SYNJ1: variants seen among roughly 807,000 people sequenced by gnomAD.
SYNJ1 encodes synaptojanin 1, also known as polyphosphatidylinositol phosphatase SYNJ1.
In SYNJ1, 78 loss-of-function variants were observed where a neutral mutation model predicts 168.2. The observed-to-expected ratio is 0.46, with a 90% CI of 0.39 to 0.56. The LOEUF is 0.56. SYNJ1 is among the 20% of genes least tolerant of loss of function. SYNJ1 has a pLI of 0.00. For synonymous variants in SYNJ1, 539 were observed against 548.6 expected (o/e 0.98, Z 0.24); for missense variants, 1,303 against 1,597.6 (o/e 0.82, Z 3.14).
At position 32,646,480 on chromosome 21, in the gene SYNJ1, G is replaced by A. The variant is rs2040074722; in HGVS notation, c.3160C>T (p.Pro1054Ser). Residue 1054 changes from proline to serine, a missense_variant, in exon 24 of 33, where the codon CCT becomes TCT. Around this residue, in one of 2 missense-constraint regions of SYNJ1, gnomAD observed 383 missense variants for 388.8 expected, o/e 0.99. Transcript: ENST00000674351. ...SSPRTSPCQS[P>S]TISEGPVPSL... is the part of the protein sequence containing the mutation. ...GGTACAGGACCCTCTGATATTGTAG[G>A]TGACTGGCAGGGACTAGTTCGGGGT... 1 of 1,614,076 alleles carries A rather than the reference G, an allele frequency of 6.2e-7. No homozygotes were observed. The highest frequency in any genetic ancestry group is 1.3e-5 in the African/African-American group (1 of 74,926).
chr21:32,725,990 C>T (rs772954011), intron 2 of SYNJ1, among the ~76,000 whole-genome samples: 7 of 152,108 alleles, frequency 4.6e-5, no homozygotes, highest in Non-Finnish European at 7.4e-5. Context: ...AAAGGGCACA[C>T]GACGGAGCCG....
chr21:32,664,885 G>C (rs1205690102), intron 18 of SYNJ1, 28 bp downstream of exon 18: 1 of 1,516,362 alleles, frequency 6.6e-7, no homozygotes, highest in Non-Finnish European at 8.9e-7. Context: ...AAATCTTAAT[G>C]CAAGTATTTT....
intron 18 of SYNJ1, among the ~76,000 whole-genome samples, chr21:32,662,909 C>T (rs942454192): frequency 1.3e-5 from 2 of 152,112 alleles, no homozygotes; most frequent in Middle Eastern, 3.2e-3. Context: ...GAGCGTGTGA[C>T]CTTAGGAATC....
At chr21:32,658,454 A>G (rs1181808433) in intron 18 of SYNJ1, 1 of 152,296 alleles carries the variant, frequency 6.6e-6, no homozygotes, top group Non-Finnish European at 1.5e-5. Flanking sequence ...ATCGGCAATA[A>G]AATACCCCAT....
chr21:32,686,804 T>C (rs186197051), intron 8 of SYNJ1, among the ~76,000 whole-genome samples, 174 bp downstream of exon 8: 1 of 152,340 alleles, frequency 6.6e-6, no homozygotes, highest in Admixed American at 6.5e-5. Flanking sequence ...TCAGCAACAT[T>C]AGCCTAAATT....
intron 2 of SYNJ1, among the ~76,000 whole-genome samples, chr21:32,719,638 C>T (rs1200519577): frequency 6.6e-6 from 1 of 151,276 alleles, no homozygotes; most frequent in Non-Finnish European, 1.5e-5. Context: ...TGCTTGAACC[C>T]GTAGGCAGAG....
At chr21:32,642,030 A>G in intron 28 of SYNJ1, 64 bp from the exon 29 acceptor site, 1 of 1,613,126 alleles carries the variant, frequency 6.2e-7, no homozygotes. Context: ...CCATGTACTT[A>G]TATTCCAAGT....
In SYNJ1 at chr21:32,664,994, T is replaced by C. The variant is rs2040867289; in HGVS notation, c.2223A>G (p.Glu741=). 3 of 1,613,790 alleles carry C rather than the reference T, an allele frequency of 1.9e-6. No individual in the cohort carries two copies. The highest frequency in any genetic ancestry group is 1.3e-5 in the African/African-American group (1 of 74,928). ...FNYRIDLPNE[E]VKELIRQQNW... Reference sequence around the variant, plus strand: ...TTTGCTGTCTTATGAGCTCTTTAACTTCTTCGTTAGGGAGATCGATTCGAT... The same window carrying C: ...TTTGCTGTCTTATGAGCTCTTTAACCTCTTCGTTAGGGAGATCGATTCGAT... Residue 741 remains glutamate (E), a synonymous_variant, in exon 18 of 33, where the codon GAA becomes GAG. Transcript: ENST00000674351.
chr21:32,696,686 A>G (rs2042224560), intron 4 of SYNJ1, among the ~76,000 whole-genome samples: 1 of 152,142 alleles, frequency 6.6e-6, no homozygotes, highest in East Asian at 1.9e-4. Flanking sequence ...TAAAAGATGT[A>G]ATAGCATTAT....
intron 15 of SYNJ1, among the ~76,000 whole-genome samples, chr21:32,669,125 G>A (rs2041076988): frequency 6.6e-6 from 1 of 152,108 alleles, no homozygotes; most frequent in African/African-American, 2.4e-5. Context: ...CAAAGCACTT[G>A]TGTTGCATAC....
intron 21 of SYNJ1, 108 bp from the exon 22 acceptor site, chr21:32,653,474 G>C (rs2040348894): frequency 6.9e-6 from 6 of 871,220 alleles, no homozygotes; most frequent in Non-Finnish European, 1.1e-5. Context: ...AGGCCAGGAA[G>C]TAAAAAGTAA....
Position 32,629,858 on chromosome 21 carries a change from G to C in SYNJ1, c.*1947C>G, listed in dbSNP as rs2039255489. The C allele has an allele frequency of 6.6e-6, 1 of 152,546 alleles. No homozygotes were observed. Among genetic ancestry groups the C allele is most frequent in the Admixed American group, 6.5e-5 (1 of 15,282 alleles). The allele number at this position is 152,546 out of a possible 1,614,324, so 9.4% of individuals were successfully genotyped here. A position where few individuals can be genotyped will look rare whatever the true frequency, so the allele number is the denominator to read the frequency against. ...GAGACAAAATCCGCAGCTACTTTGA[G>C]GTATAGCCTCTAAAAACTTAAAGCA... On this transcript the variant is annotated 3_prime_UTR_variant, in exon 33 of 33. Coordinates refer to ENST00000674351, the MANE Select transcript of SYNJ1 (RefSeq NM_203446.3).
Position 32,684,254 on chromosome 21 carries a change from A to G in SYNJ1, c.1119-135T>C, listed in dbSNP as rs191390101. On this transcript the variant is annotated intron_variant, in intron 9 of 32. Coordinates refer to ENST00000674351, the MANE Select transcript of SYNJ1 (RefSeq NM_203446.3). Reference sequence around the variant, plus strand: ...TTATTATTACAGTATTCAAATATACAAAAAAAATTATACTGTGAACATCCA... The same window carrying G: ...TTATTATTACAGTATTCAAATATACGAAAAAAATTATACTGTGAACATCCA... The G allele has an allele frequency of 3.0e-3, 2,054 of 694,780 alleles. 6 individuals are homozygous for G. Among genetic ancestry groups the G allele is most frequent in the Non-Finnish European group, 3.6e-3 (1,506 of 421,988 alleles). 43.0% of individuals were successfully genotyped at this position (694,780 alleles called of 1,614,324 possible).
rs1254717216 is a variant in SYNJ1 at position 32,642,143 on chromosome 21, A to G, written c.3479-10T>C. 6.2e-7 allele frequency: 1 copy of G among 1,613,736 alleles called. No homozygotes were observed. Among genetic ancestry groups the G allele is most frequent in the East Asian group, 2.2e-5 (1 of 44,866 alleles). Reference sequence around the variant, plus strand: ...CCAGGGCTTTTGGGTGCTTTGAAGCAAGAAGGGAAAAAAAAATTAGTTGTA... The same window carrying G: ...CCAGGGCTTTTGGGTGCTTTGAAGCGAGAAGGGAAAAAAAAATTAGTTGTA... On this transcript the variant is annotated splice_polypyrimidine_tract_variant and intron_variant, in intron 27 of 32. Transcript: ENST00000674351.
At chr21:32,724,263 G>A (rs555184026) in intron 2 of SYNJ1, among the ~76,000 whole-genome samples, 1 of 152,282 alleles carries the variant, frequency 6.6e-6, no homozygotes, top group East Asian at 1.9e-4. Context: ...TGAGGCAGGC[G>A]AATCACCTGA....
intron 22 of SYNJ1, among the ~76,000 whole-genome samples, chr21:32,651,071 C>G (rs544858925): frequency 7.2e-5 from 11 of 152,198 alleles, no homozygotes; most frequent in Non-Finnish European, 1.5e-4. Context: ...AAAATACTCT[C>G]AAAAAAACTT....
intron 15 of SYNJ1, among the ~76,000 whole-genome samples, chr21:32,669,992 T>C (rs112860554): frequency 2.0e-4 from 31 of 152,348 alleles, no homozygotes; most frequent in African/African-American, 7.5e-4. Context: ...TAAGTTAGCA[T>C]GTAATAGGTT....
chr21:32,639,040 T>C lies in SYNJ1; in HGVS notation c.3783A>G (p.Gln1261=), dbSNP rs1601231568. Reference sequence around the variant, plus strand: ...GTGCTGCCACAGGGACAAGAGGCTCTTGCAACCTTTGAGCAGGCGGGGGCA... The same window carrying C: ...GTGCTGCCACAGGGACAAGAGGCTCCTGCAACCTTTGAGCAGGCGGGGGCA... ...SSLPPPAQRL[Q]EPLVPVAAPM... Residue 1261 remains glutamine (Q), a synonymous_variant, in exon 31 of 33, where the codon CAA becomes CAG. Transcript: ENST00000674351. 1 of 1,614,024 alleles carries C rather than the reference T, an allele frequency of 6.2e-7. No individual in the cohort carries two copies. Among genetic ancestry groups the C allele is most frequent in the East Asian group, 2.2e-5 (1 of 44,884 alleles).
chr21:32,668,921 G>A (rs1175995823), intron 15 of SYNJ1, among the ~76,000 whole-genome samples: 1 of 152,026 alleles, frequency 6.6e-6, no homozygotes, highest in Non-Finnish European at 1.5e-5. Flanking sequence ...AAGTGCTGGT[G>A]CTTTCACTCG....
Sources: allele counts gnomAD v4.1 joint callset (sites outside exome capture counted in the v4.1 genomes callset), GRCh38; gene constraint gnomAD v4.1.1; regional missense constraint gnomAD v4.1.1; transcripts MANE v1.5; gene names NCBI Gene and HGNC (gene_info 2026-07-23, HGNC 2026-07-21).